Variants in CSMD1 observed in about 807,000 individuals in gnomAD.
The protein encoded by CSMD1 is CUB and sushi domain-containing protein 1.
CSMD1 carries 213 observed loss-of-function variants against 417.5 expected under a neutral mutation model. The ratio of observed to expected loss-of-function variants is 0.51; its 90% CI spans 0.46 to 0.57. CSMD1 has a LOEUF of 0.57. Among genes scored for constraint, CSMD1 ranks in the 20% least tolerant of loss-of-function variants. CSMD1 has a pLI of 0.00. For missense variants in CSMD1, 6,923 were observed against 4,529.7 expected, an observed-to-expected ratio of 1.53 and a Z score of -15.17; for synonymous variants, 2,862 against 1,736.8, an observed-to-expected ratio of 1.65 and a Z score of -16.11.
chr8:4,245,819 A>G (rs529282784), intron 3 of CSMD1, among the ~76,000 whole-genome samples: 59 of 152,304 alleles, frequency 3.9e-4, no homozygotes, highest in African/African-American at 1.4e-3. Context: ...ATTATTGACA[A>G]GTGTGCACAA....
chr8:3,476,872 C>A (rs375828129), intron 11 of CSMD1, among the ~76,000 whole-genome samples: 1 of 144,082 alleles, frequency 6.9e-6, no homozygotes, highest in African/African-American at 2.6e-5. Context: ...GAGCCAAGAC[C>A]GTGTCACTGC....
rs1226470208 is a variant in CSMD1, at chr8:4,146,593, CATTTT to C, written c.416-114499_416-114495del. On this transcript the variant is annotated intron_variant, in intron 3 of 69. Transcript: ENST00000635120. Reference sequence around the variant, plus strand: ...ATCTGTCTAAATGTTTATATGGACACATTTTTTTTTTTTTTTTTTTTTTTTTTTTT... The same window carrying C: ...ATCTGTCTAAATGTTTATATGGACACTTTTTTTTTTTTTTTTTTTTTTTTT... Among the ~76,000 whole-genome samples the C allele has an allele frequency of 2.0e-3, 179 of 90,732 alleles. 5 individuals carry two copies. The highest frequency in any genetic ancestry group is 4.0e-3 in the South Asian group (11 of 2,780). The allele number at this position is 90,732 out of a possible 152,430, so 59.5% of individuals were successfully genotyped here.
intron 5 of CSMD1, among the ~76,000 whole-genome samples, chr8:3,918,878 G>A (rs1372428013): frequency 6.6e-6 from 1 of 152,028 alleles, no homozygotes; most frequent in Non-Finnish European, 1.5e-5. Context: ...GACTTGTGGG[G>A]AAAGAATAGG....
intron 1 of CSMD1, among the ~76,000 whole-genome samples, chr8:4,868,944 G>T (rs955173287): frequency 9.9e-5 from 15 of 151,754 alleles, no homozygotes; most frequent in Non-Finnish European, 2.9e-5. Flanking sequence ...TATAGGTATA[G>T]ATTATACCTA....
intron 18 of CSMD1, among the ~76,000 whole-genome samples, chr8:3,373,904 C>T (rs1210533152): frequency 2.0e-5 from 3 of 151,820 alleles, no homozygotes; most frequent in African/African-American, 7.3e-5. Context: ...AAAGAGGAGA[C>T]ATACGTTGTG....
chr8:2,969,579 T>G (rs1195919149), intron 57 of CSMD1, among the ~76,000 whole-genome samples: 1 of 152,204 alleles, frequency 6.6e-6, no homozygotes, highest in Admixed American at 6.5e-5. Flanking sequence ...TATCTAACTT[T>G]TTGACAGATT....
At chr8:3,265,340 G>C (rs1026744280) in intron 26 of CSMD1, among the ~76,000 whole-genome samples, 2 of 152,156 alleles carry the variant, frequency 1.3e-5, no homozygotes, top group African/African-American at 4.8e-5. Context: ...ACCTGTGCAC[G>C]CACGATATTC....
intron 6 of CSMD1, among the ~76,000 whole-genome samples, chr8:3,729,117 T>C (rs922879632): frequency 6.6e-6 from 1 of 152,192 alleles, no homozygotes. Flanking sequence ...CGAGCTAAAG[T>C]AGACAACTTT....
At chr8:4,021,884 G>C (rs1166227182) in intron 4 of CSMD1, among the ~76,000 whole-genome samples, 1 of 151,902 alleles carries the variant, frequency 6.6e-6, no homozygotes, top group Admixed American at 6.6e-5. Context: ...TCTCTAGCTT[G>C]TAAGGAAAAC....
chr8:3,504,056 AT>A (rs1796721550), intron 10 of CSMD1, among the ~76,000 whole-genome samples: 1 of 152,072 alleles, frequency 6.6e-6, no homozygotes, highest in African/African-American at 2.4e-5. Flanking sequence ...ATGAACAACA[AT>A]TTGCTGTGTA....
intron 3 of CSMD1, among the ~76,000 whole-genome samples, chr8:4,371,964 C>G (rs936874604): frequency 6.6e-6 from 1 of 152,170 alleles, no homozygotes; most frequent in African/African-American, 2.4e-5. Context: ...AATATAAACT[C>G]ATTGCCGTGA....
chr8:4,589,617 T>C (rs146182837), intron 2 of CSMD1, among the ~76,000 whole-genome samples: 1 of 152,198 alleles, frequency 6.6e-6, no homozygotes, highest in Non-Finnish European at 1.5e-5. Flanking sequence ...ACTCAAAAAG[T>C]GTTCATTCTA....
chr8:4,788,873 C>G (rs913767998), intron 1 of CSMD1, among the ~76,000 whole-genome samples: 35 of 152,138 alleles, frequency 2.3e-4, no homozygotes, highest in African/African-American at 8.2e-4. Context: ...TTCCTGACTC[C>G]AGGGCAGGCA....
chr8:3,297,972 A>G (rs770498883), intron 25 of CSMD1, among the ~76,000 whole-genome samples: 6 of 152,226 alleles, frequency 3.9e-5, no homozygotes, highest in Admixed American at 6.5e-5. Flanking sequence ...AGGATATTCA[A>G]AAGGCCAATA....
intron 1 of CSMD1, among the ~76,000 whole-genome samples, chr8:4,831,887 G>A (rs758481311): frequency 2.6e-5 from 4 of 151,942 alleles, no homozygotes; most frequent in Non-Finnish European, 4.4e-5. Context: ...AGGATGAAGA[G>A]GAAGCAGCTG....
intron 2 of CSMD1, among the ~76,000 whole-genome samples, chr8:4,584,369 C>A (rs2725030): frequency 6.6e-6 from 1 of 151,678 alleles, no homozygotes; most frequent in Non-Finnish European, 1.5e-5. Context: ...AGCATCAGAC[C>A]CCTTTCGCTT....
In CSMD1 at chr8:3,323,848, G is replaced by T. The variant is rs915353050; in HGVS notation, c.3632-15345C>A. ...CCCACCATTCATCATTGTTAAAACA[G>T]ACACACATCTAACACCCAGAGACCC... is the stretch of plus-strand genomic sequence containing the variant. On this transcript the variant is annotated intron_variant, in intron 23 of 69. Coordinates refer to ENST00000635120, the MANE Select transcript of CSMD1 (RefSeq NM_033225.6). 4.1e-5 allele frequency among the ~76,000 whole-genome samples: 6 copies of T among 147,660 alleles called. 1 individual carries two copies. In the East Asian group the frequency reaches 1.2e-3, roughly 30 times the overall value.
chr8:3,635,607 C>T (rs1470668952), intron 7 of CSMD1, among the ~76,000 whole-genome samples: 2 of 151,284 alleles, frequency 1.3e-5, no homozygotes, highest in Non-Finnish European at 2.9e-5. Context: ...CGTCAACCTC[C>T]TGAGTAGCTG....
At chr8:4,416,038 A>G (rs1796919344) in intron 3 of CSMD1, among the ~76,000 whole-genome samples, 1 of 152,170 alleles carries the variant, frequency 6.6e-6, no homozygotes, top group African/African-American at 2.4e-5. Context: ...TCACTTAGAC[A>G]ATTTCCGTGA....
Sources: gnomAD v4.1 joint callset for allele counts (sites outside exome capture counted in the v4.1 genomes callset) on GRCh38, gnomAD v4.1.1 for gene constraint, MANE v1.5 for transcripts, NCBI Gene and HGNC (gene_info 2026-07-23, HGNC 2026-07-21) for gene names.